Variants in OSBPL8 observed in about 807,000 individuals in gnomAD.
The protein encoded by OSBPL8 is oxysterol-binding protein-related protein 8.
OSBPL8 carries 59 observed loss-of-function variants against 125.5 expected under a neutral mutation model. That is an observed-to-expected ratio of 0.47 (90% CI 0.38 to 0.58). OSBPL8 has a LOEUF of 0.58. OSBPL8 is among the 20% of genes least tolerant of loss of function. The pLI, the probability that OSBPL8 is intolerant of heterozygous loss-of-function variation, is 0.00. For synonymous variants in OSBPL8, 330 were observed against 338.9 expected (o/e 0.97, Z 0.29); for missense variants, 758 against 1,047.8 (o/e 0.72, Z 3.82).
At chr12:76,493,499 A>G (rs1592784111) in intron 1 of OSBPL8, among the ~76,000 whole-genome samples, 2 of 152,268 alleles carry the variant, frequency 1.3e-5, no homozygotes, top group South Asian at 4.1e-4. Flanking sequence ...CAGATAAAGT[A>G]TTCTTGGTTT....
chr12:76,433,738 G>A (rs1413897587), intron 4 of OSBPL8, among the ~76,000 whole-genome samples: 1 of 152,044 alleles, frequency 6.6e-6, no homozygotes, highest in Non-Finnish European at 1.5e-5. Flanking sequence ...ACTTTGGGAG[G>A]CCAAGGCAGG....
chr12:76,424,643 T>C (rs1410917652), intron 4 of OSBPL8, among the ~76,000 whole-genome samples: 8 of 152,170 alleles, frequency 5.3e-5, no homozygotes, highest in African/African-American at 1.9e-4. Context: ...TTAAACAGTT[T>C]AATTTCTCTG....
chr12:76,464,383 T>C (rs1009866610), intron 2 of OSBPL8, among the ~76,000 whole-genome samples: 1 of 152,236 alleles, frequency 6.6e-6, no homozygotes, highest in African/African-American at 2.4e-5. Context: ...AATTTTGTTA[T>C]AAGTACATCG....
intron 4 of OSBPL8, among the ~76,000 whole-genome samples, chr12:76,446,526 C>T (rs960914515): frequency 2.6e-5 from 4 of 152,080 alleles, no homozygotes; most frequent in African/African-American, 7.2e-5. Context: ...ATATGACTAA[C>T]ACCGTGGCTG....
chr12:76,384,736 A>G (rs1021935661), intron 14 of OSBPL8, among the ~76,000 whole-genome samples: 1 of 152,198 alleles, frequency 6.6e-6, no homozygotes, highest in African/African-American at 2.4e-5. Context: ...AGAGAGGGCT[A>G]CGTGGTGAGG....
intron 1 of OSBPL8, chr12:76,536,881 G>A (rs1950515805): frequency 6.7e-6 from 1 of 149,260 alleles, no homozygotes; most frequent in Non-Finnish European, 1.5e-5. Flanking sequence ...AAATGTTACA[G>A]TAGGACCCAG....
intron 4 of OSBPL8, among the ~76,000 whole-genome samples, chr12:76,437,003 A>AAGGCATTC (rs1383029752): frequency 6.6e-6 from 1 of 152,118 alleles, no homozygotes; most frequent in East Asian, 1.9e-4. Flanking sequence ...CTGTAGCTTT[A>AAGGCATTC]AGGCATTCAT....
At chr12:76,371,392 A>G in intron 19 of OSBPL8, 56 bp downstream of exon 19, 1 of 1,484,212 alleles carries the variant, frequency 6.7e-7, no homozygotes, top group East Asian at 2.3e-5. Flanking sequence ...ATCATTAAGG[A>G]ATTGAAAAAC....
intron 4 of OSBPL8, among the ~76,000 whole-genome samples, chr12:76,443,487 C>A (rs557673615): frequency 5.7e-4 from 87 of 151,946 alleles, no homozygotes; most frequent in Non-Finnish European, 7.5e-4. Flanking sequence ...TGAACGCGAG[C>A]CTAATTAATC....
intron 21 of OSBPL8, chr12:76,366,593 T>G (rs1377026982): frequency 4.4e-6 from 2 of 449,822 alleles, no homozygotes; most frequent in Non-Finnish European, 8.9e-6. Flanking sequence ...TTGGGTTTAG[T>G]TTTTTCTTCT....
At chr12:76,485,148 C>G (rs1456417443) in intron 2 of OSBPL8, among the ~76,000 whole-genome samples, 1 of 151,950 alleles carries the variant, frequency 6.6e-6, no homozygotes, top group African/African-American at 2.4e-5. Flanking sequence ...GTCTCGAGCT[C>G]CTGACCTCAG....
chr12:76,462,398 A>G (rs536939896), intron 2 of OSBPL8, among the ~76,000 whole-genome samples: 50 of 152,316 alleles, frequency 3.3e-4, no homozygotes, highest in African/African-American at 1.1e-3. Flanking sequence ...ATCTGATTCT[A>G]TTGGATCAAT....
At chr12:76,537,958 T>C (rs1411118074) in intron 1 of OSBPL8, 2 of 152,214 alleles carry the variant, frequency 1.3e-5, no homozygotes, top group Admixed American at 6.5e-5. Flanking sequence ...AATACTGACC[T>C]TTAAACGCAG....
At chr12:76,555,112 T>G (rs1473512007) in intron 1 of OSBPL8, among the ~76,000 whole-genome samples, 1 of 152,226 alleles carries the variant, frequency 6.6e-6, no homozygotes. Flanking sequence ...CTTCATGGCT[T>G]ATAGTCACAT....
chr12:76,544,510 G>A (rs528018582), intron 1 of OSBPL8, among the ~76,000 whole-genome samples: 1 of 152,232 alleles, frequency 6.6e-6, no homozygotes, highest in South Asian at 2.1e-4. Context: ...CCATCTCTTA[G>A]AGAAACACAT....
chr12:76,490,386 A>T (rs1292710874), intron 1 of OSBPL8, among the ~76,000 whole-genome samples: 2 of 152,152 alleles, frequency 1.3e-5, no homozygotes, highest in African/African-American at 2.4e-5. Flanking sequence ...ACCCCATCCT[A>T]TGCCTATAAA....
chr12:76,369,485 C>T lies in OSBPL8; in HGVS notation c.2240+152G>A, dbSNP rs867851884. On this transcript the variant is annotated intron_variant, in intron 20 of 23. Coordinates refer to ENST00000261183, the MANE Select transcript of OSBPL8 (RefSeq NM_020841.5). ...GGCTAACTTCTATCATAGAGTCAAG[C>T]TTATAATGAATGCAAAACCAAGTTT... 9 of 1,342,154 alleles carry T rather than the reference C, an allele frequency of 6.7e-6. No individual in the cohort carries two copies. In the South Asian group the frequency reaches 8.1e-5, roughly 12 times the overall value. The allele number at this position is 1,342,154 out of a possible 1,614,324, so 83.1% of individuals were successfully genotyped here.
chr12:76,435,726 GA>G (rs1350143849), intron 4 of OSBPL8, among the ~76,000 whole-genome samples: 2 of 152,054 alleles, frequency 1.3e-5, no homozygotes, highest in African/African-American at 2.4e-5. Flanking sequence ...TTTGTGGTGG[GA>G]AGGGAAAAAA....
chr12:76,385,247 A>T (rs1291813300), intron 14 of OSBPL8, among the ~76,000 whole-genome samples: 1 of 152,154 alleles, frequency 6.6e-6, no homozygotes, highest in Non-Finnish European at 1.5e-5. Flanking sequence ...CAAAGAACAC[A>T]TGGTCTTTTC....
Sources: gnomAD v4.1 joint callset for allele counts (sites outside exome capture counted in the v4.1 genomes callset) on GRCh38, gnomAD v4.1.1 for gene constraint, MANE v1.5 for transcripts, NCBI Gene and HGNC (gene_info 2026-07-23, HGNC 2026-07-21) for gene names.